FRY: variants seen among roughly 807,000 people sequenced by gnomAD.
FRY encodes the protein FRY microtubule binding protein.
FRY carries 128 observed loss-of-function variants against 348.4 expected under a neutral mutation model. That is an observed-to-expected ratio of 0.37 (90% CI 0.32 to 0.43). FRY has a LOEUF of 0.43. FRY is among the 20% of genes least tolerant of loss of function. The pLI is 1.00. For synonymous variants in FRY, 1,370 were observed against 1,374.7 expected, an observed-to-expected ratio of 1.00 and a Z score of 0.08; for missense variants, 2,736 against 3,695.2, an observed-to-expected ratio of 0.74 and a Z score of 6.73.
At chr13:32,275,311 C>A (rs1358452769) in intron 56 of FRY, among the ~76,000 whole-genome samples, 1 of 151,984 alleles carries the variant, frequency 6.6e-6, no homozygotes, top group Admixed American at 6.6e-5. Context: ...TGGCATGACC[C>A]CGGGGGGCAG....
intron 1 of FRY, among the ~76,000 whole-genome samples, chr13:32,043,334 A>T (rs1383514137): frequency 6.6e-6 from 1 of 152,242 alleles, no homozygotes; most frequent in Non-Finnish European, 1.5e-5. Flanking sequence ...ATATCACGGT[A>T]GATGACTATT....
At chr13:32,221,762 C>A (rs939240564) in intron 36 of FRY, among the ~76,000 whole-genome samples, 1 of 152,240 alleles carries the variant, frequency 6.6e-6, no homozygotes, top group South Asian at 2.1e-4. Flanking sequence ...ATCCACCCGC[C>A]TGGGCCTTCC....
intron 40 of FRY, among the ~76,000 whole-genome samples, chr13:32,230,091 A>ATGTGCAGGG (rs1398388895): frequency 6.6e-5 from 10 of 152,318 alleles, no homozygotes; most frequent in African/African-American, 2.4e-4. Flanking sequence ...TCAAGGGTGC[A>ATGTGCAGGG]TGTGCAGGGT....
chr13:32,209,856 C>A, intron 33 of FRY, 125 bp downstream of exon 33: 2 of 942,350 alleles, frequency 2.1e-6, no homozygotes, highest in Non-Finnish European at 3.4e-6. Context: ...CATGAATCTC[C>A]TGTGAGCTCA....
At chr13:32,049,629 A>C (rs1873217619) in intron 1 of FRY, among the ~76,000 whole-genome samples, 1 of 152,186 alleles carries the variant, frequency 6.6e-6, no homozygotes, top group African/African-American at 2.4e-5. Flanking sequence ...GAACAGCATG[A>C]TCACATCCCA....
At chr13:32,138,139 T>A (rs1286433151) in intron 11 of FRY, among the ~76,000 whole-genome samples, 1 of 151,184 alleles carries the variant, frequency 6.6e-6, no homozygotes, top group African/African-American at 2.4e-5. Flanking sequence ...TTTGTTTTGT[T>A]TTTTTGTTTT....
chr13:32,164,696 A>G lies in FRY; in HGVS notation c.1892+3445A>G, dbSNP rs1038494425. On this transcript the variant is annotated intron_variant, in intron 17 of 60. Coordinates refer to ENST00000542859, the MANE Select transcript of FRY (RefSeq NM_023037.3). ...CCCTCCTGACATTGTGGTGAGATCC[A>G]TGGGGGTGCTTCCTTCCCATTCTCT... 9.2e-5 allele frequency among the ~76,000 whole-genome samples: 14 copies of G among 152,300 alleles called. No individual in the cohort carries two copies. In the East Asian group the frequency reaches 9.6e-4, roughly 10 times the overall value.
intron 2 of FRY, among the ~76,000 whole-genome samples, chr13:32,096,287 C>G (rs1876706485): frequency 6.6e-6 from 1 of 152,140 alleles, no homozygotes; most frequent in Non-Finnish European, 1.5e-5. Flanking sequence ...CAGTTATAGT[C>G]AGCCATTTAA....
intron 1 of FRY, among the ~76,000 whole-genome samples, chr13:32,043,292 A>G (rs1310013550): frequency 6.6e-6 from 1 of 152,254 alleles, no homozygotes; most frequent in Non-Finnish European, 1.5e-5. Context: ...GTACAATTCA[A>G]GATGAGATTT....
chr13:32,042,926 G>A (rs1872819201), intron 1 of FRY, among the ~76,000 whole-genome samples: 1 of 152,216 alleles, frequency 6.6e-6, no homozygotes, highest in African/African-American at 2.4e-5. Context: ...TTGTACCAAG[G>A]AAGAATGATA....
At chr13:32,077,335 G>A (rs17077035) in intron 1 of FRY, among the ~76,000 whole-genome samples, 4,738 of 152,214 alleles carry the variant, frequency 0.031, 255 homozygotes, top group African/African-American at 0.11. Flanking sequence ...AATAATGTCC[G>A]CAAAGAAGTT....
intron 31 of FRY, among the ~76,000 whole-genome samples, chr13:32,205,825 G>A (rs1566132233): frequency 6.6e-6 from 1 of 151,882 alleles, no homozygotes; most frequent in Non-Finnish European, 1.5e-5. Context: ...GGAGAGAGGA[G>A]GATAGTTAAG....
Position 32,228,536 on chromosome 13 carries a change from A to C in FRY, c.5287A>C (p.Ile1763Leu), listed in dbSNP as rs761524686. 11 of 1,613,716 alleles carry C rather than the reference A, an allele frequency of 6.8e-6. No individual in the cohort carries two copies. In the Admixed American group the frequency reaches 1.8e-4, roughly 27 times the overall value. The change falls in exon 40 of 61, where the codon ATC (isoleucine) becomes CTC (leucine). Residue 1763 changes from isoleucine (I) to leucine (L), a missense_variant. This residue lies in a region of FRY where 794 missense variants were observed against 977.0 expected (regional missense o/e 0.81). Transcript: ENST00000542859. ...GLSSSSTSSS[I>L]SLGGSSGNLP... ...TAGTTCAAGCTCCACCTCCTCTAGC[A>C]TCAGTCTGGGAGGCAGCAGTGGAAA... is the stretch of plus-strand genomic sequence containing the variant.
chr13:32,050,690 G>A (rs903920491), intron 1 of FRY, among the ~76,000 whole-genome samples: 6 of 152,134 alleles, frequency 3.9e-5, no homozygotes, highest in Admixed American at 3.9e-4. Flanking sequence ...GGAAGTTTTA[G>A]CAGTCATGTT....
intron 58 of FRY, among the ~76,000 whole-genome samples, chr13:32,279,079 C>A (rs206088): frequency 0.67 from 102,486 of 152,100 alleles, 35,384 homozygotes; most frequent in Middle Eastern, 0.76. Context: ...GGAGGACACA[C>A]TCATGAGCAA....
intron 7 of FRY, among the ~76,000 whole-genome samples, chr13:32,128,315 GAC>G (rs1879153235): frequency 6.6e-6 from 1 of 152,116 alleles, no homozygotes; most frequent in Admixed American, 6.5e-5. Context: ...AATAGTGATT[GAC>G]TATTCACCAA....
chr13:32,108,912 G>A (rs536278706), intron 3 of FRY, among the ~76,000 whole-genome samples: 3 of 152,298 alleles, frequency 2.0e-5, no homozygotes, highest in African/African-American at 7.2e-5. Context: ...AGGCGGCAGA[G>A]GTAGAAAGGG....
intron 17 of FRY, among the ~76,000 whole-genome samples, chr13:32,164,783 T>G (rs1013301877): frequency 2.0e-5 from 3 of 152,176 alleles, no homozygotes; most frequent in African/African-American, 7.2e-5. Context: ...AAAGGGCAGC[T>G]GTCTCCCCTT....
intron 8 of FRY, 47 bp downstream of exon 8, chr13:32,131,887 TC>T: frequency 7.0e-7 from 1 of 1,418,854 alleles, no homozygotes; most frequent in Non-Finnish European, 1.0e-6. Flanking sequence ...CTTGAGCACT[TC>T]CCTTCCTCAA....
Sources: allele counts gnomAD v4.1 joint callset (sites outside exome capture counted in the v4.1 genomes callset), GRCh38; gene constraint gnomAD v4.1.1; regional missense constraint gnomAD v4.1.1; transcripts MANE v1.5; gene names NCBI Gene and HGNC (gene_info 2026-07-23, HGNC 2026-07-21).